DNER: variants seen among roughly 807,000 people sequenced by gnomAD.
The protein encoded by DNER is delta and Notch-like epidermal growth factor-related receptor.
Under a neutral mutation model 78.2 loss-of-function variants are expected in DNER, and 33 were observed. The observed-to-expected ratio is 0.42, with a 90% CI of 0.32 to 0.56. The LOEUF (loss-of-function observed/expected upper bound fraction) is 0.56. Among genes scored for constraint, DNER ranks in the 20% least tolerant of loss-of-function variants. The pLI, the probability that DNER is intolerant of heterozygous loss-of-function variation, is 0.11. For missense variants in DNER, 918 were observed against 975.3 expected, an observed-to-expected ratio of 0.94 and a Z score of 0.78; for synonymous variants, 417 against 384.8, an observed-to-expected ratio of 1.08 and a Z score of -0.98.
At chr2:229,567,190 C>T (rs1697125539) in intron 4 of DNER, among the ~76,000 whole-genome samples, 1 of 152,226 alleles carries the variant, frequency 6.6e-6, no homozygotes, top group East Asian at 1.9e-4. Context: ...AACCCTCCTC[C>T]ACAAGGTTGT....
chr2:229,535,211 G>C lies in DNER; in HGVS notation c.993+11736C>G, dbSNP rs80263406. Among the ~76,000 whole-genome samples, 164 of 152,238 alleles carry C rather than the reference G, an allele frequency of 1.1e-3. 2 individuals are homozygous for C. In the East Asian group the frequency reaches 0.03, roughly 28 times the overall value. ...ATAACCCAATCGACAAAAGCTCTTT[G>C]GGGTCCTCAATCATTTCTAAGAATG... On this transcript the variant is annotated intron_variant, in intron 5 of 12. Transcript: ENST00000341772.
At chr2:229,508,805 T>A (rs1408908884) in intron 6 of DNER, among the ~76,000 whole-genome samples, 5 of 151,834 alleles carry the variant, frequency 3.3e-5, no homozygotes, top group Non-Finnish European at 7.4e-5. Flanking sequence ...GGCGTGAACC[T>A]GGGAGGCGGA....
chr2:229,450,545 T>A (rs569398267), intron 7 of DNER, among the ~76,000 whole-genome samples: 1 of 152,290 alleles, frequency 6.6e-6, no homozygotes, highest in South Asian at 2.1e-4. Flanking sequence ...TCTCAATACC[T>A]CAGAATGTGG....
chr2:229,525,162 C>A (rs535477072), intron 5 of DNER, among the ~76,000 whole-genome samples: 2 of 152,186 alleles, frequency 1.3e-5, no homozygotes, highest in African/African-American at 4.8e-5. Context: ...CATCTTTAGC[C>A]GGGATGTGGG....
intron 8 of DNER, among the ~76,000 whole-genome samples, chr2:229,430,574 G>A (rs557179855): frequency 1.8e-4 from 27 of 152,058 alleles, no homozygotes; most frequent in African/African-American, 5.3e-4. Context: ...TCCTGCCCTC[G>A]AACATCAGAC....
intron 5 of DNER, among the ~76,000 whole-genome samples, chr2:229,514,754 C>T (rs900199637): frequency 5.3e-5 from 8 of 152,204 alleles, no homozygotes; most frequent in African/African-American, 1.9e-4. Context: ...TCATGTTTTA[C>T]ACTGCATAGG....
chr2:229,531,546 G>A (rs180679100), intron 5 of DNER, among the ~76,000 whole-genome samples: 5 of 152,270 alleles, frequency 3.3e-5, no homozygotes, highest in African/African-American at 7.2e-5. Flanking sequence ...TAGAACACTC[G>A]CACATTGCTG....
chr2:229,401,471 T>C (rs1199508889), intron 10 of DNER, among the ~76,000 whole-genome samples: 1 of 152,056 alleles, frequency 6.6e-6, no homozygotes, highest in African/African-American at 2.4e-5. Flanking sequence ...GGGACATCCA[T>C]ACTTTGGAAT....
At chr2:229,500,896 T>G (rs755497225) in intron 6 of DNER, among the ~76,000 whole-genome samples, 1 of 152,132 alleles carries the variant, frequency 6.6e-6, no homozygotes. Context: ...ATCATTCTTA[T>G]GCCTTTGCAT....
intron 7 of DNER, among the ~76,000 whole-genome samples, chr2:229,469,671 G>A (rs1694881383): frequency 6.6e-6 from 1 of 152,234 alleles, no homozygotes; most frequent in Non-Finnish European, 1.5e-5. Flanking sequence ...GGCCGGGCAT[G>A]GTGGCTCACG....
intron 4 of DNER, among the ~76,000 whole-genome samples, chr2:229,563,693 GTCA>G (rs1559168004): frequency 9.9e-5 from 3 of 30,212 alleles, no homozygotes; most frequent in East Asian, 2.3e-3. Context: ...CCCCATCACC[GTCA>G]TCATCATCCT....
chr2:229,671,899 G>A (rs1046307245), intron 1 of DNER, among the ~76,000 whole-genome samples: 8 of 152,170 alleles, frequency 5.3e-5, no homozygotes, highest in Non-Finnish European at 7.4e-5. Context: ...TGCCTGGTGC[G>A]TAGAAATGTT....
At chr2:229,363,323 T>C (rs1261184055) in intron 12 of DNER, among the ~76,000 whole-genome samples, 1 of 152,210 alleles carries the variant, frequency 6.6e-6, no homozygotes, top group Non-Finnish European at 1.5e-5. Flanking sequence ...TGATCCAATG[T>C]CACCTCCAGG....
Position 229,488,011 on chromosome 2 carries a change from T to C in DNER, c.1148-10758A>G, listed in dbSNP as rs574328248. Among the ~76,000 whole-genome samples, 15 of 152,220 alleles carry C rather than the reference T, an allele frequency of 9.9e-5. No homozygotes were observed. The South Asian group carries it at 3.1e-3, about 32-fold the overall frequency. ...GCACAGAGTAGAGGCATGGTAACGA[T>C]GTGTTGTATATTGATCTCTTCCTGT... On this transcript the variant is annotated intron_variant, in intron 6 of 12. Coordinates refer to ENST00000341772, the MANE Select transcript of DNER (RefSeq NM_139072.4).
intron 1 of DNER, among the ~76,000 whole-genome samples, chr2:229,644,392 G>A (rs1254795962): frequency 2.9e-5 from 4 of 138,154 alleles, no homozygotes; most frequent in Non-Finnish European, 6.1e-5. Context: ...CTCCCAGGCT[G>A]GAGTGCAGTG....
At chr2:229,441,705 G>T (rs547775388) in intron 8 of DNER, among the ~76,000 whole-genome samples, 1 of 152,250 alleles carries the variant, frequency 6.6e-6, no homozygotes, top group South Asian at 2.1e-4. Flanking sequence ...CCTTGTTTTT[G>T]TATTGGACAA....
intron 1 of DNER, among the ~76,000 whole-genome samples, chr2:229,652,944 C>T (rs1415673472): frequency 6.6e-6 from 1 of 152,072 alleles, no homozygotes; most frequent in Non-Finnish European, 1.5e-5. Flanking sequence ...TGAGTGGGGT[C>T]GGGGATGATT....
intron 1 of DNER, among the ~76,000 whole-genome samples, chr2:229,640,176 G>A (rs1374474799): frequency 1.3e-5 from 2 of 152,186 alleles, no homozygotes; most frequent in Non-Finnish European, 2.9e-5. Flanking sequence ...AACTATAAAA[G>A]GCTAATATCA....
chr2:229,363,120 C>T (rs1197828702), intron 12 of DNER, among the ~76,000 whole-genome samples: 1 of 152,150 alleles, frequency 6.6e-6, no homozygotes, highest in Non-Finnish European at 1.5e-5. Context: ...CAAGCTCTTC[C>T]CTGCCTGAGT....
Sources: allele counts gnomAD v4.1 joint callset (sites outside exome capture counted in the v4.1 genomes callset), GRCh38; gene constraint gnomAD v4.1.1; transcripts MANE v1.5; gene names NCBI Gene and HGNC (gene_info 2026-07-23, HGNC 2026-07-21).